The following CACNA1C variants were observed in gnomAD, a reference collection of about 807,000 sequenced individuals.
The protein encoded by CACNA1C is calcium voltage-gated channel subunit alpha1 C, also known as voltage-dependent L-type calcium channel subunit alpha-1C.
Under a neutral mutation model 229.0 loss-of-function variants are expected in CACNA1C, and 30 were observed. The ratio of observed to expected loss-of-function variants is 0.13; its 90% CI spans 0.10 to 0.18. The LOEUF is 0.18. Among genes scored for constraint, CACNA1C ranks in the 10% least tolerant of loss-of-function variants. CACNA1C has a pLI of 1.00. For synonymous variants in CACNA1C, 1,114 were observed against 1,132.5 expected, an observed-to-expected ratio of 0.98 and a Z score of 0.33; for missense variants, 1,658 against 2,845.0, an observed-to-expected ratio of 0.58 and a Z score of 9.49.
At position 2,657,174 on chromosome 12, in the gene CACNA1C, T is replaced by C. The variant is rs558134080; in HGVS notation, c.4232+1936T>C. Among the ~76,000 whole-genome samples the C allele has an allele frequency of 1.4e-4, 22 of 152,242 alleles. No homozygotes were observed. In the South Asian group the frequency reaches 4.6e-3, roughly 32 times the overall value. ...AAATAGAATGAGCAGAGTAATGATA[T>C]GAGTAAAAAATAATGAAGTTTATAG... On this transcript the variant is annotated intron_variant, in intron 34 of 46. Coordinates refer to ENST00000399655, the MANE Select transcript of CACNA1C (RefSeq NM_000719.7).
intron 3 of CACNA1C, among the ~76,000 whole-genome samples, chr12:2,185,362 C>T (rs935512842): frequency 3.3e-5 from 5 of 152,220 alleles, no homozygotes; most frequent in African/African-American, 4.8e-5. Flanking sequence ...GCCCTAACCC[C>T]GGAAGCCCAC....
chr12:2,137,190 G>T (rs1298973111), intron 3 of CACNA1C, among the ~76,000 whole-genome samples: 1 of 151,358 alleles, frequency 6.6e-6, no homozygotes, highest in Non-Finnish European at 1.5e-5. Flanking sequence ...CCAGGATGTG[G>T]GATGGGTAGT....
At chr12:2,170,573 A>G (rs1172116555) in intron 3 of CACNA1C, among the ~76,000 whole-genome samples, 2 of 152,224 alleles carry the variant, frequency 1.3e-5, no homozygotes. Context: ...ATAGTGAGTC[A>G]CCCTTGTGAA....
At chr12:2,233,452 C>T (rs1050237244) in intron 3 of CACNA1C, among the ~76,000 whole-genome samples, 22 of 152,154 alleles carry the variant, frequency 1.4e-4, no homozygotes, top group Admixed American at 1.4e-3. Context: ...TCTTTGATGG[C>T]GTCTAGGAGA....
chr12:2,305,437 G>A (rs2094934806), intron 3 of CACNA1C, among the ~76,000 whole-genome samples: 1 of 152,194 alleles, frequency 6.6e-6, no homozygotes, highest in African/African-American at 2.4e-5. Flanking sequence ...TCCTTCTGTT[G>A]ATTTGTCCTA....
At chr12:1,998,266 A>C (rs185070315) in intron 1 of CACNA1C, among the ~76,000 whole-genome samples, 26 of 152,360 alleles carry the variant, frequency 1.7e-4, no homozygotes, top group Admixed American at 4.6e-4. Context: ...AACAATGAGA[A>C]AATAAGTGTG....
At chr12:2,667,623 A>T (rs1419292643) in intron 37 of CACNA1C, among the ~76,000 whole-genome samples, 1 of 152,226 alleles carries the variant, frequency 6.6e-6, no homozygotes, top group Non-Finnish European at 1.5e-5. Flanking sequence ...AATGCAAGGT[A>T]CAAACACCAT....
chr12:2,169,698 G>A (rs948728057), intron 3 of CACNA1C, among the ~76,000 whole-genome samples: 6 of 152,204 alleles, frequency 3.9e-5, no homozygotes, highest in Non-Finnish European at 7.3e-5. Context: ...TGGTTCTGGT[G>A]GAATCAGGCC....
chr12:2,352,207 G>A (rs1460278448), intron 3 of CACNA1C, among the ~76,000 whole-genome samples: 1 of 152,162 alleles, frequency 6.6e-6, no homozygotes. Flanking sequence ...GGCCTTGGCA[G>A]AGGCACCGAC....
intron 3 of CACNA1C, among the ~76,000 whole-genome samples, chr12:2,171,197 C>A (rs879362314): frequency 1.3e-5 from 2 of 152,210 alleles, no homozygotes; most frequent in African/African-American, 4.8e-5. Flanking sequence ...CAGGGCGATA[C>A]AGTCTGTAGC....
intron 3 of CACNA1C, among the ~76,000 whole-genome samples, chr12:2,254,873 C>T (rs1042678493): frequency 2.0e-5 from 3 of 152,238 alleles, no homozygotes; most frequent in African/African-American, 4.8e-5. Context: ...CCCCCGTCCT[C>T]TCTTCACTTG....
At chr12:2,444,596 A>G (rs1031970057) in intron 3 of CACNA1C, among the ~76,000 whole-genome samples, 1 of 151,986 alleles carries the variant, frequency 6.6e-6, no homozygotes, top group South Asian at 2.1e-4. Context: ...GATCCCCAAT[A>G]TCTCCACTTC....
chr12:2,616,872 C>T (rs936977002), intron 29 of CACNA1C, among the ~76,000 whole-genome samples: 16 of 152,236 alleles, frequency 1.1e-4, no homozygotes, highest in African/African-American at 3.4e-4. Flanking sequence ...TTCCTGCCGG[C>T]GCCCTTGCCC....
rs1273969255 is a variant in CACNA1C at position 2,689,059 on chromosome 12, T to C, written c.6117+280T>C. Among the ~76,000 whole-genome samples the C allele has an allele frequency of 6.6e-6, 1 of 152,160 alleles. No homozygotes were observed. Among genetic ancestry groups the C allele is most frequent in the African/African-American group, 2.4e-5 (1 of 41,432 alleles). ...ACTGCAGCTGCTCGACATGCAAATG[T>C]GAGCCTGGCTGCCTTTATACACAGA... On this transcript the variant is annotated intron_variant, in intron 46 of 46. Transcript: ENST00000399655. The surrounding 1 kb of genome is among the most constrained non-coding windows in gnomAD (Gnocchi z 4.2).
chr12:2,480,534 T>C (rs565398724), intron 5 of CACNA1C, among the ~76,000 whole-genome samples: 94 of 152,358 alleles, frequency 6.2e-4, no homozygotes, highest in Non-Finnish European at 1.2e-3. Context: ...TATTCCCATC[T>C]CTAGCACGCA....
intron 3 of CACNA1C, among the ~76,000 whole-genome samples, chr12:2,172,847 C>T (rs1287797639): frequency 5.3e-5 from 8 of 152,270 alleles, no homozygotes; most frequent in South Asian, 2.1e-4. Flanking sequence ...CTGTGGAGAA[C>T]GGATATAGGG....
rs899781083 is a variant in CACNA1C, at chr12:2,467,665, C to T, written c.757+9959C>T. 2.6e-5 allele frequency among the ~76,000 whole-genome samples: 4 copies of T among 152,266 alleles called. No individual in the cohort carries two copies. The highest frequency in any genetic ancestry group is 6.5e-5 in the Admixed American group (1 of 15,296). ...AGAATTTAGAACAGGGTGGGTCCCACGCCCAGCCCCGCCCTGCCCCTTAGC... is the reference window on the plus strand; with the variant it reads ...AGAATTTAGAACAGGGTGGGTCCCATGCCCAGCCCCGCCCTGCCCCTTAGC... On this transcript the variant is annotated intron_variant, in intron 5 of 46. Transcript: ENST00000399655. The surrounding 1 kb of genome is among the most constrained non-coding windows in gnomAD (Gnocchi z 4.6).
At chr12:2,462,429 C>T (rs1381212038) in intron 5 of CACNA1C, among the ~76,000 whole-genome samples, 1 of 152,184 alleles carries the variant, frequency 6.6e-6, no homozygotes, top group African/African-American at 2.4e-5. Context: ...TTCCCTGCTC[C>T]ATTTCCCCAC....
At chr12:2,613,657 T>C (rs2078994135) in intron 29 of CACNA1C, 1 of 152,282 alleles carries the variant, frequency 6.6e-6, no homozygotes, top group Non-Finnish European at 1.5e-5. Context: ...AAGTCCCATT[T>C]AGGAGGACAG....
Sources: allele counts gnomAD v4.1 joint callset (sites outside exome capture counted in the v4.1 genomes callset), GRCh38; gene constraint gnomAD v4.1.1; non-coding constraint Gnocchi (gnomAD v3.1); transcripts MANE v1.5; gene names NCBI Gene and HGNC (gene_info 2026-07-23, HGNC 2026-07-21).